SCUBE1: variants seen among roughly 807,000 people sequenced by gnomAD.
The protein encoded by SCUBE1 is signal peptide, CUB domain and EGF like domain containing 1, also known as signal peptide, CUB and EGF-like domain-containing protein 1.
A neutral mutation model predicts 124.4 loss-of-function variants in SCUBE1; 59 were observed. The observed-to-expected ratio is 0.47, with a 90% CI of 0.38 to 0.59. The LOEUF is 0.59. SCUBE1 is among the 20% of genes least tolerant of loss of function. SCUBE1 has a pLI of 0.00. For synonymous variants in SCUBE1, 545 were observed against 550.9 expected (o/e 0.99, Z 0.15); for missense variants, 1,150 against 1,371.2 (o/e 0.84, Z 2.55).
intron 16 of SCUBE1, chr22:43,213,754 G>GCACTTATGCACCATAAA: frequency 5.1e-6 from 1 of 196,834 alleles, no homozygotes; most frequent in Non-Finnish European, 1.0e-5. Context: ...TCCACCATAA[G>GCACTTATGCACCATAAA]GCACTTATGT....
intron 3 of SCUBE1, among the ~76,000 whole-genome samples, chr22:43,312,800 C>T (rs1053166785): frequency 7.2e-5 from 11 of 152,142 alleles, no homozygotes; most frequent in Non-Finnish European, 1.3e-4. Context: ...TTTCTGGATG[C>T]TCTCAGTGAC....
chr22:43,274,982 C>T (rs1465758026), intron 4 of SCUBE1, among the ~76,000 whole-genome samples: 1 of 152,218 alleles, frequency 6.6e-6, no homozygotes, highest in South Asian at 2.1e-4. Flanking sequence ...CAATTCCCGC[C>T]ACCGACTCAA....
At chr22:43,250,692 A>G (rs934603057) in intron 6 of SCUBE1, among the ~76,000 whole-genome samples, 1 of 152,174 alleles carries the variant, frequency 6.6e-6, no homozygotes, top group African/African-American at 2.4e-5. Flanking sequence ...AGGTTGAGGT[A>G]AACACGGGGC....
chr22:43,218,217 C>A (rs9623782), intron 15 of SCUBE1, 38 bp downstream of exon 15: 4 of 1,596,418 alleles, frequency 2.5e-6, no homozygotes, highest in Non-Finnish European at 2.6e-6. Context: ...CAAGGAAGGA[C>A]AGAGTCAGCA....
At chr22:43,263,068 T>A (rs1923933242) in intron 4 of SCUBE1, among the ~76,000 whole-genome samples, 1 of 152,206 alleles carries the variant, frequency 6.6e-6, no homozygotes, top group Admixed American at 6.5e-5. Context: ...GGTGCCTGGG[T>A]CTAGATTCAG....
intron 4 of SCUBE1, among the ~76,000 whole-genome samples, chr22:43,274,463 T>G (rs1322893428): frequency 6.6e-6 from 1 of 152,232 alleles, no homozygotes; most frequent in African/African-American, 2.4e-5. Context: ...ACAGGCTGTC[T>G]AGTGCCACCC....
chr22:43,339,681 ATC>A (rs1927216108), intron 1 of SCUBE1, among the ~76,000 whole-genome samples: 1 of 46,234 alleles, frequency 2.2e-5, no homozygotes, highest in Non-Finnish European at 4.2e-5. Flanking sequence ...TCCTCACTCT[ATC>A]CCCCCACAAG....
chr22:43,304,319 G>A (rs983072139), intron 3 of SCUBE1, among the ~76,000 whole-genome samples: 1 of 152,250 alleles, frequency 6.6e-6, no homozygotes. Context: ...TGGCAGGGGT[G>A]CAAGGCACCA....
At chr22:43,296,006 GA>G (rs34749521) in intron 3 of SCUBE1, among the ~76,000 whole-genome samples, 15,850 of 152,224 alleles carry the variant, frequency 0.1, 1,669 homozygotes, top group East Asian at 0.51. Context: ...CCCAGACAGG[GA>G]AGGGCCTGCA....
At chr22:43,335,197 G>A (rs1927024061) in intron 2 of SCUBE1, among the ~76,000 whole-genome samples, 1 of 152,144 alleles carries the variant, frequency 6.6e-6, no homozygotes, top group Admixed American at 6.5e-5. Context: ...TGCTGCACAT[G>A]GTGCCCCTTC....
Position 43,281,636 on chromosome 22 carries a change from C to T in SCUBE1, c.484+9410G>A, listed in dbSNP as rs559777504. Among the ~76,000 whole-genome samples the T allele has an allele frequency of 2.8e-3, 423 of 149,660 alleles. 6 individuals are homozygous for T. The highest frequency in any genetic ancestry group is 9.7e-3 in the African/African-American group (389 of 40,018). On this transcript the variant is annotated intron_variant, in intron 4 of 21. Transcript: ENST00000360835. ...CTCCTCAGCAACCCTGTCACCTCCCCTGGCCATCCTCCCGTCGTCTCCCCC... is the reference window on the plus strand; with the variant it reads ...CTCCTCAGCAACCCTGTCACCTCCCTTGGCCATCCTCCCGTCGTCTCCCCC...
In SCUBE1 at chr22:43,262,858, AC is replaced by A. The variant is rs1229292314; in HGVS notation, c.485-14del. 1 of 1,605,946 alleles carries A rather than the reference AC, an allele frequency of 6.2e-7. No homozygotes were observed. Among genetic ancestry groups the A allele is most frequent in the Non-Finnish European group, 8.5e-7 (1 of 1,173,214 alleles). ...CAGTTCATACCCTCTGGGAAGAGAG[AC>A]AGACAAGAGACGGGTTGAAGACCAG... On this transcript the variant is annotated splice_polypyrimidine_tract_variant and intron_variant, in intron 4 of 21. Transcript: ENST00000360835.
chr22:43,326,938 C>G lies in SCUBE1; in HGVS notation c.221-6873G>C, dbSNP rs115150596. 7.5e-3 allele frequency among the ~76,000 whole-genome samples: 1,135 copies of G among 152,256 alleles called. 16 individuals are homozygous for G. The highest frequency in any genetic ancestry group is 0.026 in the African/African-American group (1,086 of 41,518). Reference sequence around the variant, plus strand: ...CTTCGAGCAGATCTAGCCCCTCCCCCAGCCCAAGCAGGTACTAGCATTATT... The same window carrying G: ...CTTCGAGCAGATCTAGCCCCTCCCCGAGCCCAAGCAGGTACTAGCATTATT... On this transcript the variant is annotated intron_variant, in intron 2 of 21. Transcript: ENST00000360835.
intron 4 of SCUBE1, among the ~76,000 whole-genome samples, chr22:43,288,387 C>T (rs574232653): frequency 6.6e-6 from 1 of 152,276 alleles, no homozygotes; most frequent in South Asian, 2.1e-4. Flanking sequence ...GCATCACTTC[C>T]TACCTCTGCT....
chr22:43,339,782 C>A (rs1372867111), intron 1 of SCUBE1, among the ~76,000 whole-genome samples: 9 of 105,180 alleles, frequency 8.6e-5, no homozygotes, highest in Non-Finnish European at 1.2e-4. Context: ...TCTATCCCCC[C>A]ACAAGCATTG....
chr22:43,307,167 C>T (rs889745647), intron 3 of SCUBE1, among the ~76,000 whole-genome samples: 8 of 152,224 alleles, frequency 5.3e-5, no homozygotes, highest in Admixed American at 1.3e-4. Flanking sequence ...AGAGATCTCC[C>T]CTGAGATGCC....
At chr22:43,222,452 C>T (rs1020267539) in intron 12 of SCUBE1, among the ~76,000 whole-genome samples, 186 bp downstream of exon 12, 8 of 152,314 alleles carry the variant, frequency 5.3e-5, no homozygotes, top group Admixed American at 2.6e-4. Flanking sequence ...GGCTAGAACT[C>T]GGCCTGCAGC....
At chr22:43,231,693 A>AG in intron 8 of SCUBE1, 60 bp downstream of exon 8, 1 of 1,524,136 alleles carries the variant, frequency 6.6e-7, no homozygotes. Flanking sequence ...TCAGCCCAGG[A>AG]GGGGAAGGGG....
chr22:43,257,669 C>G (rs544700910), intron 6 of SCUBE1, among the ~76,000 whole-genome samples: 1 of 152,196 alleles, frequency 6.6e-6, no homozygotes, highest in Non-Finnish European at 1.5e-5. Flanking sequence ...ACCACACCCA[C>G]GCAGGGCCCA....
Sources: gnomAD v4.1 joint callset for allele counts (sites outside exome capture counted in the v4.1 genomes callset) on GRCh38, gnomAD v4.1.1 for gene constraint, MANE v1.5 for transcripts, NCBI Gene and HGNC (gene_info 2026-07-23, HGNC 2026-07-21) for gene names.